The following GALNTL5 variants were observed in gnomAD, a reference collection of about 807,000 sequenced individuals.
The protein encoded by GALNTL5 is polypeptide N-acetylgalactosaminyltransferase like 5.
In GALNTL5, 44 loss-of-function variants were observed where a neutral mutation model predicts 51.0. The observed-to-expected ratio is 0.86, with a 90% CI of 0.68 to 1.11. The LOEUF (loss-of-function observed/expected upper bound fraction) is 1.11, where lower values mean the gene tolerates loss of function less well. Among genes scored for constraint, GALNTL5 ranks in the 50% least tolerant of loss-of-function variants. The pLI, the probability that GALNTL5 is intolerant of heterozygous loss-of-function variation, is 0.00. For missense variants in GALNTL5, 528 were observed against 531.8 expected, an observed-to-expected ratio of 0.99 and a Z score of 0.07; for synonymous variants, 192 against 182.8, an observed-to-expected ratio of 1.05 and a Z score of -0.41.
chr7:151,968,437 C>T (rs1383930054), intron 2 of GALNTL5, among the ~76,000 whole-genome samples: 1 of 152,206 alleles, frequency 6.6e-6, no homozygotes, highest in Admixed American at 6.5e-5. Context: ...CTGCTCTGAA[C>T]GGCCCTCCCA....
intron 2 of GALNTL5, 48 bp downstream of exon 2, chr7:151,967,541 A>G: frequency 6.5e-7 from 1 of 1,531,444 alleles, no homozygotes; most frequent in Non-Finnish European, 9.0e-7. Flanking sequence ...GGGAAAATGT[A>G]CAACAATATT....
intron 1 of GALNTL5, 80 bp from the exon 2 acceptor site, chr7:151,967,128 A>G: frequency 1.2e-6 from 1 of 844,526 alleles, no homozygotes; most frequent in South Asian, 1.8e-5. Context: ...AAAACACTAA[A>G]AATGGAATTT....
intron 8 of GALNTL5, among the ~76,000 whole-genome samples, chr7:152,016,559 TCAG>T (rs2081817222): frequency 6.6e-6 from 1 of 152,258 alleles, no homozygotes; most frequent in African/African-American, 2.4e-5. Flanking sequence ...ACCTTGTGAT[TCAG>T]CAGTTCTGCT....
intron 5 of GALNTL5, among the ~76,000 whole-genome samples, chr7:151,992,618 G>A (rs537107028): frequency 6.6e-6 from 1 of 152,118 alleles, no homozygotes; most frequent in African/African-American, 2.4e-5. Context: ...ATTGAATGAA[G>A]GGCTCGCTCT....
At chr7:151,999,943 G>C (rs969077813) in intron 5 of GALNTL5, among the ~76,000 whole-genome samples, 15 of 152,204 alleles carry the variant, frequency 9.9e-5, no homozygotes, top group African/African-American at 3.6e-4. Context: ...AGATGGCTCA[G>C]CCAGATTGAG....
intron 2 of GALNTL5, among the ~76,000 whole-genome samples, chr7:151,968,635 G>A (rs115686839): frequency 0.013 from 1,997 of 152,312 alleles, 40 homozygotes; most frequent in African/African-American, 0.045. Context: ...TGAGTGCCAG[G>A]GGGACAGTGT....
intron 7 of GALNTL5, among the ~76,000 whole-genome samples, chr7:152,011,121 C>G (rs2081732527): frequency 6.6e-6 from 1 of 152,188 alleles, no homozygotes; most frequent in African/African-American, 2.4e-5. Flanking sequence ...TGCTCCCAAC[C>G]TGTTGCTTCC....
In GALNTL5 at chr7:152,008,727, G is replaced by GTTGTTTGT. The variant is rs139916189; in HGVS notation, c.1026+799_1026+806dup. Among the ~76,000 whole-genome samples the GTTGTTTGT allele has an allele frequency of 9.2e-3, 1,390 of 151,132 alleles. 21 individuals are homozygous for GTTGTTTGT. Among genetic ancestry groups the GTTGTTTGT allele is most frequent in the African/African-American group, 0.031 (1,293 of 41,124 alleles). On this transcript the variant is annotated intron_variant, in intron 7 of 8. Transcript: ENST00000392800. The stretch of plus-strand genomic sequence containing the variant: ...GGTCCCTCTTAAGCTTGTTGTTTTT[G>GTTGTTTGT]TTGTTTGTTTGTTTGTTTGTTTGCT...
chr7:152,007,227 TG>T (rs2081656665), intron 6 of GALNTL5, among the ~76,000 whole-genome samples: 1 of 152,178 alleles, frequency 6.6e-6, no homozygotes, highest in South Asian at 2.1e-4. Flanking sequence ...CCAGTTCAAT[TG>T]TCATCCTCAT....
intron 2 of GALNTL5, among the ~76,000 whole-genome samples, 157 bp downstream of exon 2, chr7:151,967,650 A>G (rs2151939177): frequency 6.6e-6 from 1 of 152,334 alleles, no homozygotes; most frequent in East Asian, 1.9e-4. Flanking sequence ...ATAGAAAATA[A>G]TAAAACAAGT....
At chr7:151,976,345 A>G (rs1169052090) in intron 3 of GALNTL5, among the ~76,000 whole-genome samples, 1 of 152,090 alleles carries the variant, frequency 6.6e-6, no homozygotes, top group African/African-American at 2.4e-5. Context: ...TATCTTCTTG[A>G]TGAAAGGGGC....
intron 5 of GALNTL5, 117 bp downstream of exon 5, chr7:151,987,398 G>A (rs1586829994): frequency 1.1e-6 from 1 of 891,832 alleles, no homozygotes; most frequent in Non-Finnish European, 1.6e-6. Flanking sequence ...CAGAAGAGTG[G>A]AAATCTATTC....
chr7:151,981,677 C>CTTTTT (rs1563010256), intron 3 of GALNTL5, among the ~76,000 whole-genome samples: 1 of 112,972 alleles, frequency 8.9e-6, no homozygotes, highest in Non-Finnish European at 1.8e-5. Flanking sequence ...CCTCTTCTTT[C>CTTTTT]TTTCTTTTTT....
chr7:151,999,786 A>T (rs1440773913), intron 5 of GALNTL5, among the ~76,000 whole-genome samples: 1 of 152,238 alleles, frequency 6.6e-6, no homozygotes, highest in Non-Finnish European at 1.5e-5. Flanking sequence ...TGTGCTGCCA[A>T]TAGTATGAAA....
chr7:151,994,891 G>C (rs772068426), intron 5 of GALNTL5: 7 of 151,872 alleles, frequency 4.6e-5, no homozygotes, highest in African/African-American at 7.3e-5. Flanking sequence ...CGAGCAGCTG[G>C]GACTACAGGT....
chr7:151,970,089 C>T (rs972958580), intron 2 of GALNTL5, among the ~76,000 whole-genome samples: 1 of 150,112 alleles, frequency 6.7e-6, no homozygotes, highest in Non-Finnish European at 1.5e-5. Context: ...GGACTACAGG[C>T]GTGAGCCACC....
chr7:152,014,011 G>T (rs1418594880), intron 7 of GALNTL5, among the ~76,000 whole-genome samples: 1 of 152,154 alleles, frequency 6.6e-6, no homozygotes, highest in Non-Finnish European at 1.5e-5. Flanking sequence ...CTTGTTTCTT[G>T]CCTACATCCA....
chr7:152,003,962 CA>C (rs1357322480), intron 6 of GALNTL5, among the ~76,000 whole-genome samples: 51 of 152,124 alleles, frequency 3.4e-4, no homozygotes, highest in African/African-American at 1.1e-3. Flanking sequence ...TACATTGGAT[CA>C]TTCTTTTTGA....
intron 1 of GALNTL5, chr7:151,957,729 C>G (rs765439943): frequency 6.6e-6 from 1 of 152,074 alleles, no homozygotes; most frequent in African/African-American, 2.4e-5. Flanking sequence ...ATTTTATTTG[C>G]TGTACATATG....
Sources: gnomAD v4.1 joint callset for allele counts (sites outside exome capture counted in the v4.1 genomes callset) on GRCh38, gnomAD v4.1.1 for gene constraint, MANE v1.5 for transcripts, NCBI Gene and HGNC (gene_info 2026-07-23, HGNC 2026-07-21) for gene names.